Variants in XIRP2 observed in about 807,000 individuals in gnomAD.
XIRP2 encodes the protein xin actin binding repeat containing 2, also known as xin actin-binding repeat-containing protein 2.
Under a neutral mutation model 277.0 loss-of-function variants are expected in XIRP2, and 236 were observed. The ratio of observed to expected loss-of-function variants is 0.85; its 90% CI spans 0.77 to 0.95. The LOEUF is 0.95. XIRP2 is among the 40% of genes least tolerant of loss of function. The pLI, the probability that XIRP2 is intolerant of heterozygous loss-of-function variation, is 0.00. For synonymous variants in XIRP2, 1,490 were observed against 1,416.5 expected (o/e 1.05, Z -1.17); for missense variants, 4,640 against 4,157.5 (o/e 1.12, Z -3.19).
Position 167,245,177 on chromosome 2 carries a change from A to C in XIRP2, c.3785A>C (p.Lys1262Thr), listed in dbSNP as rs780515372. The C allele has an allele frequency of 1.2e-6, 2 of 1,613,498 alleles. No homozygotes were observed. Among genetic ancestry groups the C allele is most frequent in the Non-Finnish European group, 8.5e-7 (1 of 1,179,674 alleles). ...AGCCAAGAAGGTGATGAATGTGTTA[A>C]GACGGTGACAGACATACAAGGTGGG... ...KESQEGDECVKTVTDIQGGDV... is the reference protein window; with the variant it reads ...KESQEGDECVTTVTDIQGGDV... The change falls in exon 9 of 11, where the codon AAG (lysine) becomes ACG (threonine). Residue 1262 changes from lysine to threonine, a missense_variant. Transcript: ENST00000409195.
intron 2 of XIRP2, among the ~76,000 whole-genome samples, chr2:167,070,888 T>G (rs558081098): frequency 6.6e-6 from 1 of 152,340 alleles, no homozygotes; most frequent in African/African-American, 2.4e-5. Flanking sequence ...TACTAACAAC[T>G]ATTGCTTCTT....
intron 2 of XIRP2, among the ~76,000 whole-genome samples, chr2:167,028,053 A>G (rs1192279560): frequency 3.3e-5 from 5 of 152,122 alleles, no homozygotes; most frequent in East Asian, 1.9e-4. Flanking sequence ...TCTTCCTTAC[A>G]TTAACTCTAC....
At chr2:167,184,515 G>C (rs761234365) in intron 3 of XIRP2, 2 of 712,168 alleles carry the variant, frequency 2.8e-6, no homozygotes, top group Middle Eastern at 2.3e-4. Flanking sequence ...ATTGCCAAAG[G>C]TTCTGCTGTT....
chr2:166,930,322 C>T (rs190049175), intron 2 of XIRP2, among the ~76,000 whole-genome samples: 395 of 152,250 alleles, frequency 2.6e-3, no homozygotes, highest in Middle Eastern at 6.8e-3. Context: ...CCCAGATTCC[C>T]CTCCTCCCTG....
rs1223554464 is a variant in XIRP2 at position 167,084,397 on chromosome 2, A to G, written c.409-51512A>G. On this transcript the variant is annotated intron_variant, in intron 2 of 10. Coordinates refer to ENST00000409195, the MANE Select transcript of XIRP2 (RefSeq NM_152381.6). ...TGTTCATCAAGGATATTGGTCTAAA[A>G]TTCTCTTTTTTGGTTGTGTCTCTGC... 7.1e-3 allele frequency among the ~76,000 whole-genome samples: 1,073 copies of G among 151,694 alleles called. 15 individuals are homozygous for G. The highest frequency in any genetic ancestry group is 0.025 in the African/African-American group (1,036 of 41,320).
intron 3 of XIRP2, among the ~76,000 whole-genome samples, chr2:167,204,038 C>T (rs1002913843): frequency 3.9e-5 from 6 of 152,144 alleles, no homozygotes; most frequent in South Asian, 4.2e-4. Flanking sequence ...TGATGTATCA[C>T]CTGAAGTGTG....
chr2:167,221,563 T>C (rs1218657147), intron 5 of XIRP2, among the ~76,000 whole-genome samples: 1 of 152,110 alleles, frequency 6.6e-6, no homozygotes, highest in African/African-American at 2.4e-5. Flanking sequence ...AATGTCAAAT[T>C]TGGCTATAGC....
chr2:167,083,262 G>A (rs1013412466), intron 2 of XIRP2, among the ~76,000 whole-genome samples: 11 of 151,902 alleles, frequency 7.2e-5, no homozygotes, highest in Admixed American at 2.6e-4. Flanking sequence ...GTAGATATGC[G>A]GCATTATTTC....
At chr2:166,969,947 A>G (rs954004027) in intron 2 of XIRP2, among the ~76,000 whole-genome samples, 6 of 151,990 alleles carry the variant, frequency 3.9e-5, no homozygotes, top group African/African-American at 1.4e-4. Flanking sequence ...ATTAAAAAAA[A>G]AATCTGTAGC....
intron 2 of XIRP2, among the ~76,000 whole-genome samples, chr2:167,025,650 T>C (rs974058227): frequency 2.6e-5 from 4 of 152,090 alleles, no homozygotes; most frequent in African/African-American, 9.7e-5. Flanking sequence ...TTCTGGTATG[T>C]TGTGTCTTTG....
chr2:166,977,412 C>T (rs1415689709), intron 2 of XIRP2, among the ~76,000 whole-genome samples: 1 of 152,122 alleles, frequency 6.6e-6, no homozygotes, highest in Non-Finnish European at 1.5e-5. Flanking sequence ...TTTTCCCCAA[C>T]ATTTTTAAAT....
chr2:167,155,525 G>C (rs1692167391), intron 3 of XIRP2, among the ~76,000 whole-genome samples: 1 of 152,068 alleles, frequency 6.6e-6, no homozygotes, highest in Admixed American at 6.6e-5. Context: ...ATGCATAAAA[G>C]GCCTTTGACA....
rs1297948080 is a variant in XIRP2, at chr2:167,210,869, G to C, written c.697G>C (p.Gly233Arg). The change falls in exon 4 of 11, where the codon GGT becomes CGT. Residue 233 changes from glycine (G) to arginine (R), a missense_variant. Coordinates refer to ENST00000409195, the MANE Select transcript of XIRP2 (RefSeq NM_152381.6). ...MARYQAAVSR[G>R]DCRSFSANMM... ...GAGGTACCAGGCAGCTGTTTCCAGG[G>C]GTGACTGCCGCAGCTTCTCTGCTAA... 1 of 1,613,964 alleles carries C rather than the reference G, an allele frequency of 6.2e-7. No homozygotes were observed. The highest frequency in any genetic ancestry group is 8.5e-7 in the Non-Finnish European group (1 of 1,179,986).
intron 2 of XIRP2, among the ~76,000 whole-genome samples, chr2:167,086,246 T>C (rs1425135004): frequency 1.3e-5 from 2 of 152,206 alleles, no homozygotes; most frequent in Non-Finnish European, 2.9e-5. Context: ...AAAATTCTTT[T>C]CTTTAAGAAT....
chr2:167,070,780 T>C (rs538242650), intron 2 of XIRP2, among the ~76,000 whole-genome samples: 1 of 152,310 alleles, frequency 6.6e-6, no homozygotes, highest in South Asian at 2.1e-4. Context: ...AGTTGTTTTA[T>C]CCATACCATG....
intron 2 of XIRP2, among the ~76,000 whole-genome samples, chr2:167,121,488 G>A (rs1464208116): frequency 6.6e-6 from 1 of 152,128 alleles, no homozygotes; most frequent in African/African-American, 2.4e-5. Context: ...TTTAAAATAT[G>A]TTAAAGCAGA....
intron 3 of XIRP2, among the ~76,000 whole-genome samples, chr2:167,157,512 A>G (rs541454964): frequency 6.6e-6 from 1 of 152,286 alleles, no homozygotes; most frequent in African/African-American, 2.4e-5. Flanking sequence ...GTATGCATGT[A>G]TAATAGCTTG....
At chr2:167,022,606 C>G (rs917416779) in intron 2 of XIRP2, among the ~76,000 whole-genome samples, 1 of 151,982 alleles carries the variant, frequency 6.6e-6, no homozygotes, top group African/African-American at 2.4e-5. Flanking sequence ...CCCCTACCCC[C>G]ACCCCACAAC....
At chr2:167,175,610 C>G (rs113652088) in intron 3 of XIRP2, among the ~76,000 whole-genome samples, 15,020 of 152,106 alleles carry the variant, frequency 0.099, 793 homozygotes, top group South Asian at 0.15. Flanking sequence ...AGGAGGCAGG[C>G]GGTTCAGGGA....
Sources: allele counts gnomAD v4.1 joint callset (sites outside exome capture counted in the v4.1 genomes callset), GRCh38; gene constraint gnomAD v4.1.1; transcripts MANE v1.5; gene names NCBI Gene and HGNC (gene_info 2026-07-23, HGNC 2026-07-21).